PCDHGB1: variants seen among roughly 807,000 people sequenced by gnomAD.
PCDHGB1 encodes the protein protocadherin gamma subfamily B, 1, also known as protocadherin gamma-B1.
A neutral mutation model predicts 56.6 loss-of-function variants in PCDHGB1; 34 were observed. That is an observed-to-expected ratio of 0.60 (90% CI 0.46 to 0.80). PCDHGB1 has a LOEUF of 0.80. Among genes scored for constraint, PCDHGB1 ranks in the 30% least tolerant of loss-of-function variants. The pLI, the probability that PCDHGB1 is intolerant of heterozygous loss-of-function variation, is 0.00. For synonymous variants in PCDHGB1, 561 were observed against 505.9 expected, an observed-to-expected ratio of 1.11 and a Z score of -1.46; for missense variants, 1,278 against 1,204.6, an observed-to-expected ratio of 1.06 and a Z score of -0.90.
At chr5:141,405,226 C>T (rs756970325) in intron 1 of PCDHGB1, 6 of 1,613,934 alleles carry the variant, frequency 3.7e-6, no homozygotes, top group Admixed American at 3.3e-5. Context: ...AGGAGTTCTC[C>T]CTCACCGCTG....
intron 1 of PCDHGB1, chr5:141,475,934 G>C (rs754356530): frequency 3.0e-6 from 2 of 665,118 alleles, no homozygotes; most frequent in Non-Finnish European, 5.0e-6. Context: ...TCGGGCCCCT[G>C]CCCGTCCCCT....
At chr5:141,500,947 C>T (rs933082173) in intron 2 of PCDHGB1, among the ~76,000 whole-genome samples, 15 of 151,822 alleles carry the variant, frequency 9.9e-5, no homozygotes, top group African/African-American at 3.6e-4. Context: ...CGGCTCACTG[C>T]AAGCTCCACC....
In PCDHGB1 at chr5:141,490,682, C is replaced by T. The variant is rs1286126848; in HGVS notation, c.2410-4125C>T. On this transcript the variant is annotated intron_variant, in intron 1 of 3. Coordinates refer to ENST00000523390, the MANE Select transcript of PCDHGB1 (RefSeq NM_018922.3). The surrounding 1 kb of genome is among the most constrained non-coding windows in gnomAD (Gnocchi z 5.4). ...CTTTGCACTGTGGCTGCCTCAGATC[C>T]AGACACTGGGGATAATGCCCGCCTC... 10 of 1,614,054 alleles carry T rather than the reference C, an allele frequency of 6.2e-6. No homozygotes were observed. The highest frequency in any genetic ancestry group is 3.3e-5 in the Admixed American group (2 of 60,008).
intron 1 of PCDHGB1, chr5:141,362,249 T>A (rs1275406008): frequency 3.1e-6 from 5 of 1,614,024 alleles, no homozygotes; most frequent in Non-Finnish European, 4.2e-6. Flanking sequence ...CTCTTCTTCC[T>A]CGCGGTGATT....
intron 1 of PCDHGB1, chr5:141,479,722 T>C (rs2099504690): frequency 6.6e-6 from 1 of 152,240 alleles, no homozygotes; most frequent in African/African-American, 2.4e-5. Context: ...CCAGCCTTAT[T>C]TTTCTTAAGT....
intron 1 of PCDHGB1, among the ~76,000 whole-genome samples, chr5:141,373,018 T>C (rs200877775): frequency 1.8e-4 from 27 of 152,226 alleles, no homozygotes; most frequent in Non-Finnish European, 1.5e-4. Context: ...CTCCTTTTGA[T>C]AGTCTTGAAA....
At chr5:141,427,495 C>A in intron 1 of PCDHGB1, 2 of 562,648 alleles carry the variant, frequency 3.6e-6, no homozygotes, top group South Asian at 1.5e-5. Flanking sequence ...AAGCTTGTAA[C>A]AGATGGGACC....
rs370264318 is a variant in PCDHGB1, at chr5:141,403,767, G to C, written c.2409+51098G>C. 1.0e-4 allele frequency: 169 copies of C among 1,613,880 alleles called. No homozygotes were observed. In the East Asian group the frequency reaches 1.6e-3, roughly 16 times the overall value. Reference sequence around the variant, plus strand: ...GCAACAGCCAGCGACCTGGATGAGGGAATCAACGGAAAAGTGGCATACAAA... The same window carrying C: ...GCAACAGCCAGCGACCTGGATGAGGCAATCAACGGAAAAGTGGCATACAAA... On this transcript the variant is annotated intron_variant, in intron 1 of 3. Coordinates refer to ENST00000523390, the MANE Select transcript of PCDHGB1 (RefSeq NM_018922.3).
rs370237298 is a variant in PCDHGB1 at position 141,487,298 on chromosome 5, G to A, written c.2410-7509G>A. ...TTGCTTTGTCTCCTTTGGCTCATTCGTGGCACTACTCTCTAAGTGTCTTCG... is the reference window on the plus strand; with the variant it reads ...TTGCTTTGTCTCCTTTGGCTCATTCATGGCACTACTCTCTAAGTGTCTTCG... On this transcript the variant is annotated intron_variant, in intron 1 of 3. Coordinates refer to ENST00000523390, the MANE Select transcript of PCDHGB1 (RefSeq NM_018922.3). The surrounding 1 kb of genome is among the most constrained non-coding windows in gnomAD (Gnocchi z 5.0). The A allele has an allele frequency of 3.2e-5, 51 of 1,614,072 alleles. 1 individual carries two copies. Among genetic ancestry groups the A allele is most frequent in the South Asian group, 5.5e-5 (5 of 91,082 alleles).
At chr5:141,395,472 A>T in intron 1 of PCDHGB1, 1 of 548,076 alleles carries the variant, frequency 1.8e-6, no homozygotes, top group South Asian at 2.6e-5. Flanking sequence ...GCCTTCCAGT[A>T]TTTTATTCCT....
chr5:141,355,645 G>A lies in PCDHGB1; in HGVS notation c.2409+2976G>A, dbSNP rs765146485. 21 of 1,613,868 alleles carry A rather than the reference G, an allele frequency of 1.3e-5. No individual in the cohort carries two copies. The Admixed American group carries it at 2.2e-4, about 17-fold the overall frequency. ...AAAAGTTGCTGAAAATGAAAATCCT[G>A]GGGCAAGATTTCCTCTTCCTGAAGC... is the stretch of plus-strand genomic sequence containing the variant. On this transcript the variant is annotated intron_variant, in intron 1 of 3. Coordinates refer to ENST00000523390, the MANE Select transcript of PCDHGB1 (RefSeq NM_018922.3).
chr5:141,415,739 GGTTTTTT>G lies in PCDHGB1; in HGVS notation c.2409+63071_2409+63077del. 7.6e-5 allele frequency: 33 copies of G among 434,894 alleles called. No homozygotes were observed. In the African/African-American group the frequency reaches 8.5e-4, roughly 11 times the overall value. The allele number at this position is 434,894 out of a possible 1,614,324, so 26.9% of individuals were successfully genotyped here. A position where few individuals can be genotyped will look rare whatever the true frequency, so the allele number is the denominator to read the frequency against. On this transcript the variant is annotated intron_variant, in intron 1 of 3. Transcript: ENST00000523390. ...ATGAGTAGAATTTGATGTTTATTAA[GGTTTTTT>G]TTTTTTTTTTTTTTTTTTTTTTTTT...
intron 1 of PCDHGB1, chr5:141,428,180 C>G (rs780780274): frequency 1.3e-6 from 2 of 1,486,274 alleles, no homozygotes; most frequent in East Asian, 2.3e-5. Flanking sequence ...TGACGGAGGA[C>G]AGCCGCCGCT....
At chr5:141,399,147 C>T (rs2093760764) in intron 1 of PCDHGB1, 1 of 1,613,664 alleles carries the variant, frequency 6.2e-7, no homozygotes. Flanking sequence ...ATGACAATAG[C>T]CCAGAAGTTA....
rs369851570 is a variant in PCDHGB1, at chr5:141,408,393, G to T, written c.2409+55724G>T. 1.7e-5 allele frequency: 28 copies of T among 1,613,918 alleles called. No individual in the cohort carries two copies. In the Admixed American group the frequency reaches 2.2e-4, roughly 12 times the overall value. On this transcript the variant is annotated intron_variant, in intron 1 of 3. Coordinates refer to ENST00000523390, the MANE Select transcript of PCDHGB1 (RefSeq NM_018922.3). Reference sequence around the variant, plus strand: ...CTCAGTGTCCTGGATGTGTCGGCTCGCAAGCTGCGAGTGAGCGCGGAGAAG... The same window carrying T: ...CTCAGTGTCCTGGATGTGTCGGCTCTCAAGCTGCGAGTGAGCGCGGAGAAG...
intron 1 of PCDHGB1, chr5:141,382,999 T>C (rs1208869928): frequency 6.2e-7 from 1 of 1,613,770 alleles, no homozygotes; most frequent in Non-Finnish European, 8.5e-7. Context: ...TATTCTCTAC[T>C]CCGTGTCGGA....
intron 1 of PCDHGB1, chr5:141,478,592 TC>T: frequency 6.4e-7 from 1 of 1,570,334 alleles, no homozygotes; most frequent in Non-Finnish European, 8.6e-7. Flanking sequence ...GCTTTTTTAT[TC>T]CTACATCATA....
intron 1 of PCDHGB1, chr5:141,400,524 GGTGA>G (rs1307110266): frequency 1.2e-6 from 2 of 1,613,920 alleles, no homozygotes; most frequent in Admixed American, 3.3e-5. Context: ...ATCCTGAGTT[GGTGA>G]GTTTCATTTA....
At position 141,372,451 on chromosome 5, in the gene PCDHGB1, C is replaced by G. The variant is rs749000608; in HGVS notation, c.2409+19782C>G. 8 of 1,614,042 alleles carry G rather than the reference C, an allele frequency of 5.0e-6. No individual in the cohort carries two copies. In the East Asian group the frequency reaches 1.6e-4, roughly 31 times the overall value. On this transcript the variant is annotated intron_variant, in intron 1 of 3. Coordinates refer to ENST00000523390, the MANE Select transcript of PCDHGB1 (RefSeq NM_018922.3). The stretch of plus-strand genomic sequence containing the variant: ...CGCCCCACTCCCTCTGACCCTCAGG[C>G]GGAGCTACAGTTTCACCTAGTAGTG...
Sources: gnomAD v4.1 joint callset for allele counts (sites outside exome capture counted in the v4.1 genomes callset) on GRCh38, gnomAD v4.1.1 for gene constraint, Gnocchi (gnomAD v3.1) non-coding constraint, MANE v1.5 for transcripts, NCBI Gene and HGNC (gene_info 2026-07-23, HGNC 2026-07-21) for gene names.